The following HLTF variants were observed in gnomAD, a reference collection of about 807,000 sequenced individuals.
HLTF encodes the protein helicase like transcription factor.
A neutral mutation model predicts 129.4 loss-of-function variants in HLTF; 127 were observed. The ratio of observed to expected loss-of-function variants is 0.98; its 90% CI spans 0.85 to 1.14. HLTF has a LOEUF of 1.14. Ranked by LOEUF, HLTF falls within the 50% of genes most tolerant of loss-of-function variation. The pLI is 0.00. For missense variants in HLTF, 1,139 were observed against 1,187.1 expected, an observed-to-expected ratio of 0.96 and a Z score of 0.60; for synonymous variants, 332 against 388.8, an observed-to-expected ratio of 0.85 and a Z score of 1.72.
intron 2 of HLTF, among the ~76,000 whole-genome samples, chr3:149,079,618 CAG>C (rs922010462): frequency 6.2e-4 from 95 of 152,002 alleles, no homozygotes; most frequent in African/African-American, 2.2e-3. Flanking sequence ...TTTTTTGAGA[CAG>C]AGTCTTGCTG....
At chr3:149,061,310 C>T (rs1576603023) in intron 10 of HLTF, among the ~76,000 whole-genome samples, 1 of 151,940 alleles carries the variant, frequency 6.6e-6, no homozygotes, top group East Asian at 1.9e-4. Flanking sequence ...ACTCGGGAGG[C>T]TGAGGCAGGA....
At chr3:149,073,489 T>TG (rs1212065917) in intron 4 of HLTF, among the ~76,000 whole-genome samples, 167 bp from the exon 5 acceptor site, 1 of 152,134 alleles carries the variant, frequency 6.6e-6, no homozygotes, top group Non-Finnish European at 1.5e-5. Context: ...AGTCCAGTAG[T>TG]TTGAGACTAG....
At chr3:149,067,707 A>AT (rs1243620282) in intron 8 of HLTF, among the ~76,000 whole-genome samples, 2 of 152,002 alleles carry the variant, frequency 1.3e-5, no homozygotes, top group African/African-American at 4.8e-5. Context: ...AATAATAATA[A>AT]AAAAAAACCT....
chr3:149,048,119 A>G lies in HLTF; in HGVS notation c.1801T>C (p.Ser601Pro), dbSNP rs1324577380. ...NSLKDLWSLLSFLKLKPFIDR... is the reference protein window; with the variant it reads ...NSLKDLWSLLPFLKLKPFIDR... Reference sequence around the variant, plus strand: ...ATAAATGGTTTAAGTTTTAAAAAGGAAAGAAGAGACCACAAGTCCTTTAAA... The same window carrying G: ...ATAAATGGTTTAAGTTTTAAAAAGGGAAGAAGAGACCACAAGTCCTTTAAA... Residue 601 changes from serine (S) to proline (P), a missense_variant, in exon 17 of 25, where the codon TCC becomes CCC. Ser to Pro is a moderately conservative substitution (Grantham distance 74). Transcript: ENST00000310053. The G allele has an allele frequency of 6.2e-7, 1 of 1,612,710 alleles. No individual in the cohort carries two copies. Among genetic ancestry groups the G allele is most frequent in the African/African-American group, 1.3e-5 (1 of 74,876 alleles).
intron 7 of HLTF, among the ~76,000 whole-genome samples, chr3:149,070,976 C>T (rs575417629): frequency 6.6e-6 from 1 of 151,292 alleles, no homozygotes; most frequent in South Asian, 2.1e-4. Flanking sequence ...ACCTGGGAGG[C>T]GGAGGCTGCA....
chr3:149,084,049 G>A (rs544442621), intron 2 of HLTF, among the ~76,000 whole-genome samples: 20 of 152,078 alleles, frequency 1.3e-4, no homozygotes, highest in Non-Finnish European at 1.9e-4. Flanking sequence ...ATATTACAAA[G>A]ATTTTAAATT....
chr3:149,032,976 A>C (rs6767681), intron 24 of HLTF, among the ~76,000 whole-genome samples: 2 of 142,544 alleles, frequency 1.4e-5, no homozygotes, highest in Non-Finnish European at 1.5e-5. Context: ...AAAAAAAAAA[A>C]ACAAAAAACT....
intron 20 of HLTF, among the ~76,000 whole-genome samples, 189 bp downstream of exon 20, chr3:149,041,301 T>C (rs896452829): frequency 1.3e-5 from 2 of 152,188 alleles, no homozygotes; most frequent in Non-Finnish European, 2.9e-5. Context: ...ATATTGACTG[T>C]GAACATCTTT....
rs1715919164 is a variant in HLTF at position 149,039,323 on chromosome 3, T to C, written c.2616-94A>G. 3 of 945,416 alleles carry C rather than the reference T, an allele frequency of 3.2e-6. No individual in the cohort carries two copies. In the Admixed American group the frequency reaches 1.1e-4, roughly 34 times the overall value. 58.6% of individuals were successfully genotyped at this position (945,416 alleles called of 1,614,324 possible). A position where few individuals can be genotyped will look rare whatever the true frequency, so the allele number is the denominator to read the frequency against. ...CTACAAATCTCTTCAATAAATTCTT[T>C]CACTCATTTATTTTAACAAATGTTT... is the stretch of plus-strand genomic sequence containing the variant. On this transcript the variant is annotated intron_variant, in intron 22 of 24. Transcript: ENST00000310053.
At chr3:149,035,442 A>C (rs1715487754) in intron 23 of HLTF, among the ~76,000 whole-genome samples, 1 of 152,066 alleles carries the variant, frequency 6.6e-6, no homozygotes, top group South Asian at 2.1e-4. Context: ...CATGAAATAA[A>C]AGTATAAAAA....
At chr3:149,078,624 G>A (rs985837780) in intron 2 of HLTF, among the ~76,000 whole-genome samples, 13 of 152,028 alleles carry the variant, frequency 8.6e-5, no homozygotes, top group Admixed American at 5.2e-4. Context: ...TTGGGAGGCC[G>A]AGGTGGGCGG....
chr3:149,071,530 A>G (rs1363933990), intron 6 of HLTF, 53 bp downstream of exon 6: 11 of 1,464,976 alleles, frequency 7.5e-6, no homozygotes, highest in African/African-American at 1.4e-5. Flanking sequence ...AGTAGATTCT[A>G]AGTATATTTA....
chr3:149,066,110 A>G (rs1267556115), intron 8 of HLTF, among the ~76,000 whole-genome samples: 1 of 151,898 alleles, frequency 6.6e-6, no homozygotes, highest in Non-Finnish European at 1.5e-5. Context: ...GCAACGGCAC[A>G]ATCTCGGCTC....
At chr3:149,047,957 A>G (rs561047035) in intron 17 of HLTF, 71 bp downstream of exon 17, 3 of 1,280,156 alleles carry the variant, frequency 2.3e-6, no homozygotes, top group East Asian at 2.5e-5. Context: ...AATAGTAAAG[A>G]AAGTGCCAAC....
At chr3:149,068,774 A>T (rs750194803) in intron 7 of HLTF, among the ~76,000 whole-genome samples, 3 of 152,234 alleles carry the variant, frequency 2.0e-5, no homozygotes, top group Non-Finnish European at 2.9e-5. Context: ...ACTTCTCCAT[A>T]AAGCATAAAA....
intron 18 of HLTF, among the ~76,000 whole-genome samples, chr3:149,042,496 GTC>G (rs1169305403): frequency 6.6e-6 from 1 of 152,068 alleles, no homozygotes; most frequent in African/African-American, 2.4e-5. Flanking sequence ...GCCAATTGCA[GTC>G]TAAGTCAGAT....
intron 14 of HLTF, among the ~76,000 whole-genome samples, chr3:149,053,146 G>T (rs571154429): frequency 6.6e-6 from 1 of 152,108 alleles, no homozygotes; most frequent in East Asian, 1.9e-4. Context: ...TTACTTGAGA[G>T]CCAGGAAGAC....
chr3:149,059,807 G>A lies in HLTF; in HGVS notation c.1286C>T (p.Ala429Val). The A allele has an allele frequency of 1.3e-6, 2 of 1,584,714 alleles. No homozygotes were observed. The highest frequency in any genetic ancestry group is 1.8e-5 in the Admixed American group (1 of 56,002). Residue 429 changes from alanine (A) to valine (V), a missense_variant and splice_region_variant, in exon 13 of 25, where the codon GCA becomes GTA. By Grantham distance (64) the Ala-to-Val change is moderately conservative. Coordinates refer to ENST00000310053, the MANE Select transcript of HLTF (RefSeq NM_003071.4). ...ATCTTCTATAACCTTAGAAGATCCTGCTGATAAAACAACAAAGAATCTTAA... is the reference window on the plus strand; with the variant it reads ...ATCTTCTATAACCTTAGAAGATCCTACTGATAAAACAACAAAGAATCTTAA... ...VQSETKGRAK[A>V]GSSKVIEDVA...
chr3:149,059,291 G>A (rs1717721294), intron 13 of HLTF: 1 of 317,986 alleles, frequency 3.1e-6, no homozygotes, highest in East Asian at 8.3e-5. Context: ...AGTCTCTTAA[G>A]CAGTGTTGTT....
Sources: allele counts gnomAD v4.1 joint callset (sites outside exome capture counted in the v4.1 genomes callset), GRCh38; gene constraint gnomAD v4.1.1; transcripts MANE v1.5; gene names NCBI Gene and HGNC (gene_info 2026-07-23, HGNC 2026-07-21).